Variants in CDON observed in about 807,000 individuals in gnomAD.
CDON encodes cell adhesion molecule-related/down-regulated by oncogenes.
Under a neutral mutation model 120.9 loss-of-function variants are expected in CDON, and 73 were observed. The ratio of observed to expected loss-of-function variants is 0.60; its 90% CI spans 0.50 to 0.73. The LOEUF is 0.73. CDON is among the 30% of genes least tolerant of loss of function. The pLI, the probability that CDON is intolerant of heterozygous loss-of-function variation, is 0.00. For synonymous variants in CDON, 566 were observed against 573.5 expected, an observed-to-expected ratio of 0.99 and a Z score of 0.19; for missense variants, 1,470 against 1,587.3, an observed-to-expected ratio of 0.93 and a Z score of 1.26.
At chr11:126,049,931 A>T (rs1310184572) in intron 1 of CDON, among the ~76,000 whole-genome samples, 3 of 152,218 alleles carry the variant, frequency 2.0e-5, no homozygotes, top group Admixed American at 1.3e-4. Context: ...ATAATTGGAA[A>T]GGGCTTTCAT....
chr11:126,049,040 T>C (rs1004867879), intron 1 of CDON, among the ~76,000 whole-genome samples: 1 of 152,128 alleles, frequency 6.6e-6, no homozygotes, highest in Admixed American at 6.5e-5. Flanking sequence ...CCAATTTAAT[T>C]CTTTAAAAGC....
chr11:126,015,565 T>C lies in CDON; in HGVS notation c.929-55A>G, dbSNP rs1565530439. The C allele has an allele frequency of 2.6e-6, 4 of 1,565,162 alleles. No individual in the cohort carries two copies. The East Asian group carries it at 9.2e-5, about 36-fold the overall frequency. On this transcript the variant is annotated intron_variant, in intron 6 of 19. Transcript: ENST00000531738. ...AGCCCTCAAAATGTACTTCTTAAAT[T>C]ATCACTCGAGTGATAAAAATCTTCT...
chr11:126,025,704 A>G (rs186750079), intron 1 of CDON, among the ~76,000 whole-genome samples: 4 of 152,336 alleles, frequency 2.6e-5, no homozygotes, highest in African/African-American at 7.2e-5. Context: ...TGCTATTTCT[A>G]TCAAAAATCA....
intron 1 of CDON, among the ~76,000 whole-genome samples, chr11:126,029,771 C>A (rs1223796320): frequency 2.0e-5 from 3 of 152,168 alleles, no homozygotes; most frequent in Admixed American, 2.0e-4. Context: ...CAATTCCATT[C>A]TTTTCACCGA....
chr11:125,994,536 T>A (rs2134521560), intron 13 of CDON, 147 bp from the exon 14 acceptor site: 1 of 662,384 alleles, frequency 1.5e-6, no homozygotes, highest in Non-Finnish European at 2.7e-6. Context: ...ACTTCAAAGG[T>A]ATTAAAAGCA....
chr11:125,994,232 C>A lies in CDON; in HGVS notation c.2650+52G>T. The A allele has an allele frequency of 3.3e-6, 3 of 916,950 alleles. No individual in the cohort carries two copies. The South Asian group carries it at 3.9e-5, about 12-fold the overall frequency. The allele number at this position is 916,950 out of a possible 1,614,324, so 56.8% of individuals were successfully genotyped here. On this transcript the variant is annotated intron_variant, in intron 14 of 19. Coordinates refer to ENST00000531738, the MANE Select transcript of CDON (RefSeq NM_001378964.1). Reference sequence around the variant, plus strand: ...GATGATGCATTTTATATTCATAAACCTTCTTTCTCCAAAGCGCCTTTACAG... The same window carrying A: ...GATGATGCATTTTATATTCATAAACATTCTTTCTCCAAAGCGCCTTTACAG...
At chr11:126,006,529 G>A (rs112890218) in intron 8 of CDON, among the ~76,000 whole-genome samples, 12 of 152,142 alleles carry the variant, frequency 7.9e-5, no homozygotes, top group East Asian at 7.8e-4. Context: ...TTACCCAGGC[G>A]TGGTGGCGCA....
At chr11:126,012,870 A>G (rs1304254302) in intron 7 of CDON, among the ~76,000 whole-genome samples, 1 of 152,200 alleles carries the variant, frequency 6.6e-6, no homozygotes, top group Non-Finnish European at 1.5e-5. Flanking sequence ...TAAATTAACA[A>G]TGATCTGGGT....
At position 125,996,890 on chromosome 11, in the gene CDON, T is replaced by A. The variant is rs141404953; in HGVS notation, c.2362+317A>T. ...AATATAAGACTACTAAAAATATGCA[T>A]CTGCCAGGTGCTATGGCTCACGCCT... On this transcript the variant is annotated intron_variant, in intron 12 of 19. Coordinates refer to ENST00000531738, the MANE Select transcript of CDON (RefSeq NM_001378964.1). Among the ~76,000 whole-genome samples, 771 of 151,372 alleles carry A rather than the reference T, an allele frequency of 5.1e-3. 7 individuals carry two copies. Among genetic ancestry groups the A allele is most frequent in the African/African-American group, 0.018 (742 of 41,278 alleles).
At chr11:125,962,196 G>C (rs999529782) in intron 18 of CDON, among the ~76,000 whole-genome samples, 198 bp from the exon 19 acceptor site, 11 of 152,178 alleles carry the variant, frequency 7.2e-5, no homozygotes, top group Non-Finnish European at 1.3e-4. Flanking sequence ...CATACAACAG[G>C]AGAATACACC....
At chr11:125,983,603 T>C (rs1217525292) in intron 16 of CDON, among the ~76,000 whole-genome samples, 3 of 151,814 alleles carry the variant, frequency 2.0e-5, no homozygotes, top group African/African-American at 4.8e-5. Flanking sequence ...AAAGCCGGAG[T>C]TTCCCAGCAA....
At chr11:126,008,400 A>T (rs1364871979) in intron 8 of CDON, among the ~76,000 whole-genome samples, 1 of 152,176 alleles carries the variant, frequency 6.6e-6, no homozygotes, top group Non-Finnish European at 1.5e-5. Context: ...ATACTAGAAA[A>T]TTAAAAAAAG....
At position 125,981,302 on chromosome 11, in the gene CDON, T is replaced by C; in HGVS notation, c.3023A>G (p.Gln1008Arg). ...CATCTGCCCGTTCATATCTGATCCTTGGTAGAGATATCCTGGTGGGTCATA... is the reference window on the plus strand; with the variant it reads ...CATCTGCCCGTTCATATCTGATCCTCGGTAGAGATATCCTGGTGGGTCATA... ...QKYDPPGYLY[Q>R]GSDMNGQMVD... Residue 1008 changes from glutamine to arginine, a missense_variant, in exon 17 of 20, where the codon CAA (glutamine) becomes CGA (arginine). By Grantham distance (43) the Gln-to-Arg change is conservative. Coordinates refer to ENST00000531738, the MANE Select transcript of CDON (RefSeq NM_001378964.1). 6.2e-7 allele frequency: 1 copy of C among 1,613,918 alleles called. No individual in the cohort carries two copies. Among genetic ancestry groups the C allele is most frequent in the Non-Finnish European group, 8.5e-7 (1 of 1,179,986 alleles).
chr11:125,985,654 C>T (rs1258317206), intron 15 of CDON, among the ~76,000 whole-genome samples: 1 of 152,166 alleles, frequency 6.6e-6, no homozygotes, highest in Non-Finnish European at 1.5e-5. Context: ...ATGGTGCCAA[C>T]AAACCACAGA....
chr11:125,963,706 C>G (rs1229102862), intron 18 of CDON, among the ~76,000 whole-genome samples: 1 of 152,078 alleles, frequency 6.6e-6, no homozygotes, highest in East Asian at 1.9e-4. Flanking sequence ...ATTCAGAGAC[C>G]AGACACCTGG....
At chr11:125,966,968 G>C (rs1478625994) in intron 18 of CDON, among the ~76,000 whole-genome samples, 2 of 151,562 alleles carry the variant, frequency 1.3e-5, no homozygotes, top group Non-Finnish European at 2.9e-5. Flanking sequence ...GTCTTGTACT[G>C]TAAGAAATAT....
chr11:125,959,205 T>C lies in CDON; in HGVS notation c.*1737A>G, dbSNP rs1565483244. 6.6e-6 allele frequency: 1 copy of C among 152,196 alleles called. No individual in the cohort carries two copies. 9.4% of individuals were successfully genotyped at this position (152,196 alleles called of 1,614,324 possible). A position where few individuals can be genotyped will look rare whatever the true frequency, so the allele number is the denominator to read the frequency against. The stretch of plus-strand genomic sequence containing the variant: ...TTCTATTATAAAATATATAGACATA[T>C]GTAAGGGAATACTGATGCATTTATA... On this transcript the variant is annotated 3_prime_UTR_variant, in exon 20 of 20. Transcript: ENST00000531738.
intron 15 of CDON, among the ~76,000 whole-genome samples, chr11:125,986,166 C>A (rs534339085): frequency 6.6e-6 from 1 of 152,066 alleles, no homozygotes; most frequent in Non-Finnish European, 1.5e-5. Context: ...TCCTTCGTAG[C>A]GACATGGATG....
chr11:126,029,313 T>C (rs1396394338), intron 1 of CDON, among the ~76,000 whole-genome samples: 1 of 152,166 alleles, frequency 6.6e-6, no homozygotes, highest in Non-Finnish European at 1.5e-5. Context: ...GAACTTCCAA[T>C]GACAAAAAAC....
Sources: gnomAD v4.1 joint callset for allele counts (sites outside exome capture counted in the v4.1 genomes callset) on GRCh38, gnomAD v4.1.1 for gene constraint, MANE v1.5 for transcripts, NCBI Gene and HGNC (gene_info 2026-07-23, HGNC 2026-07-21) for gene names.